NAV2: variants seen among roughly 807,000 people sequenced by gnomAD.
The protein encoded by NAV2 is neuron navigator 2.
NAV2 carries 54 observed loss-of-function variants against 223.2 expected under a neutral mutation model. The observed-to-expected ratio is 0.24, with a 90% CI of 0.19 to 0.30. The LOEUF (loss-of-function observed/expected upper bound fraction) is 0.30, where lower values mean the gene tolerates loss of function less well. Among genes scored for constraint, NAV2 ranks in the 10% least tolerant of loss-of-function variants. The probability of loss-of-function intolerance (pLI) is 1.00; values close to 1 mark genes in which losing one functional copy is unlikely to be tolerated. For missense variants in NAV2, 2,806 were observed against 3,147.5 expected, an observed-to-expected ratio of 0.89 and a Z score of 2.60; for synonymous variants, 1,279 against 1,239.3, an observed-to-expected ratio of 1.03 and a Z score of -0.67.
At chr11:19,559,381 A>G (rs2045018190) in intron 1 of NAV2, among the ~76,000 whole-genome samples, 1 of 152,298 alleles carries the variant, frequency 6.6e-6, no homozygotes, top group Non-Finnish European at 1.5e-5. Flanking sequence ...TTAACCCCCG[A>G]GCCTTGTTTT....
intron 19 of NAV2, among the ~76,000 whole-genome samples, chr11:20,058,931 C>T (rs945468434): frequency 3.3e-5 from 5 of 152,126 alleles, no homozygotes; most frequent in Non-Finnish European, 5.9e-5. Context: ...TCCCCAAGGG[C>T]CATTATCATC....
chr11:19,642,009 G>C (rs2047680017), intron 1 of NAV2, among the ~76,000 whole-genome samples: 1 of 152,114 alleles, frequency 6.6e-6, no homozygotes, highest in South Asian at 2.1e-4. Flanking sequence ...ATAGTGATTG[G>C]CATATAGCAG....
chr11:19,358,059 G>C (rs1853719239), intron 1 of NAV2, among the ~76,000 whole-genome samples: 1 of 152,122 alleles, frequency 6.6e-6, no homozygotes, highest in African/African-American at 2.4e-5. Flanking sequence ...CCTAAAGCTT[G>C]GATCAGATTC....
intron 31 of NAV2, 51 bp downstream of exon 31, chr11:20,097,796 T>C: frequency 6.7e-7 from 1 of 1,496,548 alleles, no homozygotes; most frequent in Non-Finnish European, 8.9e-7. Flanking sequence ...GCAGTGTTTG[T>C]TTTGTGACTT....
chr11:19,702,284 T>C (rs969932886), intron 1 of NAV2, among the ~76,000 whole-genome samples: 1 of 152,224 alleles, frequency 6.6e-6, no homozygotes, highest in African/African-American at 2.4e-5. Flanking sequence ...CACTTGTCAG[T>C]GACTTTGTTA....
intron 1 of NAV2, among the ~76,000 whole-genome samples, chr11:19,660,125 A>T (rs1281774626): frequency 6.6e-6 from 1 of 152,196 alleles, no homozygotes; most frequent in Non-Finnish European, 1.5e-5. Flanking sequence ...TCCCTTCCCC[A>T]GCAAGAGTTT....
chr11:19,852,902 C>T (rs1316799558), intron 3 of NAV2, among the ~76,000 whole-genome samples: 1 of 152,170 alleles, frequency 6.6e-6, no homozygotes, highest in Non-Finnish European at 1.5e-5. Context: ...ATTTTGAGCG[C>T]ACTGTGTAAG....
At chr11:19,785,684 G>T (rs946401905) in intron 1 of NAV2, among the ~76,000 whole-genome samples, 1 of 149,096 alleles carries the variant, frequency 6.7e-6, no homozygotes. Context: ...AGTAGTAAAT[G>T]TTCTGTCCAC....
chr11:19,577,572 T>C (rs949005889), intron 1 of NAV2, among the ~76,000 whole-genome samples: 9 of 152,266 alleles, frequency 5.9e-5, no homozygotes, highest in Admixed American at 5.9e-4. Flanking sequence ...GTTTCCCCTC[T>C]TGTCAGCAGA....
chr11:19,779,269 C>T (rs1328770974), intron 1 of NAV2, among the ~76,000 whole-genome samples: 1 of 152,188 alleles, frequency 6.6e-6, no homozygotes, highest in Non-Finnish European at 1.5e-5. Flanking sequence ...AACTGGGAAG[C>T]CCTGAGGGAG....
chr11:19,525,635 C>T (rs971381641), intron 1 of NAV2, among the ~76,000 whole-genome samples: 1 of 152,132 alleles, frequency 6.6e-6, no homozygotes, highest in African/African-American at 2.4e-5. Flanking sequence ...AAAGTGGGCA[C>T]TTCTCTCAGT....
chr11:19,914,705 C>T (rs1041199395), intron 6 of NAV2, among the ~76,000 whole-genome samples: 14 of 151,784 alleles, frequency 9.2e-5, no homozygotes, highest in Middle Eastern at 3.4e-3. Flanking sequence ...CCACCGCGCC[C>T]GGCTAATTTT....
chr11:19,693,034 C>T (rs1435326113), intron 1 of NAV2, among the ~76,000 whole-genome samples: 1 of 152,268 alleles, frequency 6.6e-6, no homozygotes, highest in Non-Finnish European at 1.5e-5. Context: ...TCTCCAAGCT[C>T]ATAGCCTCCT....
chr11:19,910,724 G>A (rs1402739695), intron 6 of NAV2, among the ~76,000 whole-genome samples: 1 of 152,100 alleles, frequency 6.6e-6, no homozygotes, highest in Non-Finnish European at 1.5e-5. Flanking sequence ...CAGGCGTGGT[G>A]GTATGTGCCT....
intron 25 of NAV2, among the ~76,000 whole-genome samples, chr11:20,082,413 A>G (rs1005135616): frequency 6.6e-6 from 1 of 152,138 alleles, no homozygotes; most frequent in African/African-American, 2.4e-5. Flanking sequence ...AGGGAGGAAC[A>G]TGCCCCCAGT....
Position 19,374,309 on chromosome 11 carries a change from G to GTTTT in NAV2, c.75+23303_75+23306dup, listed in dbSNP as rs10533713. Among the ~76,000 whole-genome samples, 3 of 124,590 alleles carry GTTTT rather than the reference G, an allele frequency of 2.4e-5. No individual in the cohort carries two copies. In the Admixed American group the frequency reaches 2.5e-4, roughly 10 times the overall value. The allele number at this position is 124,590 out of a possible 152,430, so 81.7% of individuals were successfully genotyped here. A position where few individuals can be genotyped will look rare whatever the true frequency, so the allele number is the denominator to read the frequency against. ...ATCCAAAGAGAATTTTTCCGAAAAG[G>GTTTT]TTTTTTTTTTTTTTTTTTTTTTTTA... is the stretch of plus-strand genomic sequence containing the variant. On this transcript the variant is annotated intron_variant, in intron 1 of 37. Coordinates refer to the NAV2 transcript ENST00000360655.
intron 25 of NAV2, among the ~76,000 whole-genome samples, chr11:20,081,627 T>C (rs2060098089): frequency 1.3e-5 from 2 of 152,150 alleles, no homozygotes; most frequent in Admixed American, 1.3e-4. Context: ...TCTCTGGAAA[T>C]ATTATCAGAG....
At chr11:19,962,774 T>A (rs2048442644) in intron 10 of NAV2, among the ~76,000 whole-genome samples, 2 of 152,128 alleles carry the variant, frequency 1.3e-5, no homozygotes, top group African/African-American at 4.8e-5. Context: ...GAAATAAGAT[T>A]CTGAGCCTAA....
intron 1 of NAV2, among the ~76,000 whole-genome samples, chr11:19,538,783 T>C (rs2044258754): frequency 6.6e-6 from 1 of 152,164 alleles, no homozygotes; most frequent in Non-Finnish European, 1.5e-5. Context: ...TCACATACTA[T>C]TGTAAGAAAT....
Sources: gnomAD v4.1 joint callset for allele counts (sites outside exome capture counted in the v4.1 genomes callset) on GRCh38, gnomAD v4.1.1 for gene constraint, MANE v1.5 for transcripts, NCBI Gene and HGNC (gene_info 2026-07-23, HGNC 2026-07-21) for gene names.